The following EZR variants were observed in gnomAD, a reference collection of about 807,000 sequenced individuals.
EZR encodes the protein cytovillin 2.
EZR carries 40 observed loss-of-function variants against 74.8 expected under a neutral mutation model. The ratio of observed to expected loss-of-function variants is 0.53; its 90% CI spans 0.42 to 0.70. The LOEUF (loss-of-function observed/expected upper bound fraction) is 0.70. Among genes scored for constraint, EZR ranks in the 30% least tolerant of loss-of-function variants. The pLI is 0.00. For synonymous variants in EZR, 341 were observed against 283.3 expected (o/e 1.20, Z -2.05); for missense variants, 678 against 755.8 (o/e 0.90, Z 1.21).
intron 3 of EZR, chr6:158,788,436 C>T (rs944281805): frequency 6.6e-6 from 1 of 152,214 alleles, no homozygotes; most frequent in South Asian, 2.1e-4. Context: ...CACTTGAGTT[C>T]AGGAGTTCGA....
chr6:158,770,662 G>A (rs532651469), intron 10 of EZR, 102 bp downstream of exon 10: 151 of 1,383,584 alleles, frequency 1.1e-4, no homozygotes, highest in African/African-American at 7.7e-4. Context: ...TGTGGGACAC[G>A]TTCTTGGTTT....
At chr6:158,798,464 G>A (rs539340323) in intron 2 of EZR, among the ~76,000 whole-genome samples, 17 of 152,254 alleles carry the variant, frequency 1.1e-4, no homozygotes, top group East Asian at 5.8e-4. Flanking sequence ...ACACAGTAGC[G>A]GCGCTCCAAT....
chr6:158,767,095 C>T lies in EZR; in HGVS notation c.1597-17G>A, dbSNP rs568872220. ...GCTCAGCGTCTGTAACATTAAGCAG[C>T]ATTGGTCTAGTCCCTTCCTCCCCAT... On this transcript the variant is annotated splice_polypyrimidine_tract_variant and intron_variant, in intron 13 of 13. Transcript: ENST00000367075. 4.8e-5 allele frequency: 77 copies of T among 1,613,792 alleles called. No homozygotes were observed. Among genetic ancestry groups the T allele is most frequent in the Non-Finnish European group, 6.1e-5 (72 of 1,179,790 alleles).
chr6:158,781,795 GCT>G (rs1330273718), intron 7 of EZR, among the ~76,000 whole-genome samples: 3 of 151,740 alleles, frequency 2.0e-5, no homozygotes, highest in African/African-American at 7.3e-5. Context: ...ACACGGTCTC[GCT>G]CTGTCACCCA....
At chr6:158,781,847 T>G (rs1409634813) in intron 7 of EZR, among the ~76,000 whole-genome samples, 1 of 151,382 alleles carries the variant, frequency 6.6e-6, no homozygotes, top group Non-Finnish European at 1.5e-5. Context: ...TACTACAACC[T>G]CTGCCTCCCA....
intron 2 of EZR, among the ~76,000 whole-genome samples, chr6:158,812,742 C>T (rs1157315608): frequency 1.3e-5 from 2 of 152,088 alleles, no homozygotes; most frequent in South Asian, 2.1e-4. Flanking sequence ...CCCCACCTTC[C>T]CCCACACCTG....
At chr6:158,803,174 G>A (rs1171065151) in intron 2 of EZR, among the ~76,000 whole-genome samples, 1 of 144,994 alleles carries the variant, frequency 6.9e-6, no homozygotes. Flanking sequence ...CACAGAAGTG[G>A]GGGCTGGGAA....
At chr6:158,776,363 A>C (rs369063807) in intron 8 of EZR, 45 bp downstream of exon 8, 43 of 1,462,288 alleles carry the variant, frequency 2.9e-5, no homozygotes, top group Non-Finnish European at 4.0e-5. Flanking sequence ...GACAAGTATA[A>C]GAATGAAAAA....
intron 2 of EZR, among the ~76,000 whole-genome samples, chr6:158,794,852 T>C (rs1352838873): frequency 1.3e-5 from 2 of 152,190 alleles, no homozygotes; most frequent in African/African-American, 2.4e-5. Flanking sequence ...ACTTTACTCC[T>C]GTACCACTAC....
chr6:158,815,416 C>A (rs1777533362), intron 2 of EZR, among the ~76,000 whole-genome samples: 1 of 152,152 alleles, frequency 6.6e-6, no homozygotes, highest in Admixed American at 6.5e-5. Flanking sequence ...AAAGAGGGGG[C>A]AGGGAGAAAT....
At chr6:158,801,438 G>A (rs1777184501) in intron 2 of EZR, among the ~76,000 whole-genome samples, 1 of 152,172 alleles carries the variant, frequency 6.6e-6, no homozygotes, top group Non-Finnish European at 1.5e-5. Flanking sequence ...ATGTTCAGAT[G>A]CCAAAGGCCA....
rs780063220 is a variant in EZR, at chr6:158,767,241, C to T, written c.1596+20G>A. ...AAAAGCGAGGCAGGCTCCCTGGAGA[C>T]AGAGCCCCTTGGGCCTCACCAGCAG... On this transcript the variant is annotated intron_variant, in intron 13 of 13. Transcript: ENST00000367075. The T allele has an allele frequency of 5.6e-6, 9 of 1,601,274 alleles. No individual in the cohort carries two copies. Among genetic ancestry groups the T allele is most frequent in the East Asian group, 4.5e-5 (2 of 44,172 alleles).
Position 158,770,628 on chromosome 6 carries a change from A to T in EZR, c.1090+136T>A, listed in dbSNP as rs112046097. 1.4e-5 allele frequency: 13 copies of T among 956,968 alleles called. 1 individual carries two copies. In the African/African-American group the frequency reaches 1.6e-4, roughly 12 times the overall value. 59.3% of individuals were successfully genotyped at this position (956,968 alleles called of 1,614,324 possible). On this transcript the variant is annotated intron_variant, in intron 10 of 13. Coordinates refer to ENST00000367075, the MANE Select transcript of EZR (RefSeq NM_001111077.2). ...GTTTTCCAAACCAAATAACCATTTT[A>T]TCATTTCGGCTGTGAGTCTGCGCTG...
At chr6:158,792,530 A>T (rs1303992821) in intron 2 of EZR, among the ~76,000 whole-genome samples, 5 of 141,504 alleles carry the variant, frequency 3.5e-5, no homozygotes. Flanking sequence ...GTAGAAAGTG[A>T]ACTTAAAAAT....
intron 2 of EZR, among the ~76,000 whole-genome samples, chr6:158,810,533 T>C (rs1473973023): frequency 1.3e-5 from 2 of 152,208 alleles, no homozygotes; most frequent in Admixed American, 6.5e-5. Flanking sequence ...ACCAAGCACA[T>C]AATGGGATAT....
At chr6:158,776,597 A>G (rs1721536398) in intron 7 of EZR, 93 bp from the exon 8 acceptor site, 5 of 857,898 alleles carry the variant, frequency 5.8e-6, no homozygotes, top group Non-Finnish European at 9.1e-6. Context: ...TATTAGTTCA[A>G]TTAAAATAAT....
chr6:158,806,638 A>C (rs914001779), intron 2 of EZR, among the ~76,000 whole-genome samples: 3 of 152,084 alleles, frequency 2.0e-5, no homozygotes, highest in African/African-American at 4.8e-5. Flanking sequence ...CAAGTTCAGT[A>C]AATATTATTC....
intron 1 of EZR, among the ~76,000 whole-genome samples, chr6:158,818,515 G>A (rs1193921834): frequency 6.6e-6 from 1 of 150,780 alleles, no homozygotes; most frequent in Non-Finnish European, 1.5e-5. Context: ...CCGGGAGAGA[G>A]AGGGCAGGGG....
intron 6 of EZR, among the ~76,000 whole-genome samples, chr6:158,783,908 TGAA>T (rs529364949): frequency 2.2e-4 from 33 of 152,328 alleles, no homozygotes; most frequent in East Asian, 1.9e-3. Flanking sequence ...CCCCACACTT[TGAA>T]GAAGAACTGA....
Sources: gnomAD v4.1 joint callset for allele counts (sites outside exome capture counted in the v4.1 genomes callset) on GRCh38, gnomAD v4.1.1 for gene constraint, MANE v1.5 for transcripts, NCBI Gene and HGNC (gene_info 2026-07-23, HGNC 2026-07-21) for gene names.